Variants in GPM6A observed in about 807,000 individuals in gnomAD.
GPM6A encodes glycoprotein M6A.
GPM6A carries 7 observed loss-of-function variants against 32.1 expected under a neutral mutation model. That is an observed-to-expected ratio of 0.22 (90% CI 0.12 to 0.41). The LOEUF is 0.41. Among genes scored for constraint, GPM6A ranks in the 10% least tolerant of loss-of-function variants. The pLI, the probability that GPM6A is intolerant of heterozygous loss-of-function variation, is 1.00. For missense variants in GPM6A, 235 were observed against 347.2 expected (o/e 0.68, Z 2.57); for synonymous variants, 130 against 123.4 (o/e 1.05, Z -0.35).
At chr4:175,962,497 C>T in intron 1 of GPM6A, 1 of 576,728 alleles carries the variant, frequency 1.7e-6, no homozygotes, top group Non-Finnish European at 3.3e-6. Context: ...GTCACAGCTG[C>T]CTATCACTTC....
intron 1 of GPM6A, among the ~76,000 whole-genome samples, chr4:175,909,653 T>C (rs919909643): frequency 1.3e-5 from 2 of 152,202 alleles, no homozygotes; most frequent in African/African-American, 2.4e-5. Flanking sequence ...GAAACACAAG[T>C]ACTAAAGGAA....
At position 175,737,532 on chromosome 4, in the gene GPM6A, C is replaced by T. The variant is rs139814859; in HGVS notation, c.38-35765G>A. 3.9e-5 allele frequency among the ~76,000 whole-genome samples: 6 copies of T among 152,234 alleles called. No individual in the cohort carries two copies. In the East Asian group the frequency reaches 1.2e-3, roughly 29 times the overall value. On this transcript the variant is annotated intron_variant, in intron 1 of 6. Coordinates refer to ENST00000393658, the MANE Select transcript of GPM6A (RefSeq NM_201591.3). ...AATATTTACTTTAGATAATTTATTC[C>T]TTATTCTGAGCTCTTTTATGCCTTT...
At chr4:175,987,188 T>C (rs1176238700) in intron 1 of GPM6A, among the ~76,000 whole-genome samples, 1 of 152,228 alleles carries the variant, frequency 6.6e-6, no homozygotes, top group Non-Finnish European at 1.5e-5. Flanking sequence ...AAGCATTCTG[T>C]CTAGCAAATA....
chr4:175,940,318 G>T (rs1007104188), intron 1 of GPM6A, among the ~76,000 whole-genome samples: 62 of 151,926 alleles, frequency 4.1e-4, no homozygotes, highest in African/African-American at 1.4e-3. Context: ...TATAGGTTTG[G>T]GAAGTGTTAT....
chr4:175,729,859 T>A (rs916259658), intron 1 of GPM6A, among the ~76,000 whole-genome samples: 1 of 145,818 alleles, frequency 6.9e-6, no homozygotes, highest in African/African-American at 2.5e-5. Context: ...TGTATATATG[T>A]ATTTAATGTA....
In GPM6A at chr4:175,714,145, T is replaced by C. The variant is rs73004344; in HGVS notation, c.38-12378A>G. ...GGTTTTTATCAAGTTCTTCAGTTCA[T>C]TCTGATACTACAAGATATGCAAGCC... On this transcript the variant is annotated intron_variant, in intron 1 of 6. Transcript: ENST00000393658. Among the ~76,000 whole-genome samples the C allele has an allele frequency of 7.5e-3, 1,142 of 152,310 alleles. 14 individuals are homozygous for C. Among genetic ancestry groups the C allele is most frequent in the African/African-American group, 0.026 (1,086 of 41,580 alleles).
At chr4:175,868,532 C>A (rs572277454) in intron 1 of GPM6A, among the ~76,000 whole-genome samples, 1 of 152,256 alleles carries the variant, frequency 6.6e-6, no homozygotes, top group East Asian at 1.9e-4. Flanking sequence ...TCTTTTCATT[C>A]AATTTCAAAT....
chr4:175,710,257 T>C (rs1347932844), intron 1 of GPM6A, among the ~76,000 whole-genome samples: 1 of 152,110 alleles, frequency 6.6e-6, no homozygotes, highest in Non-Finnish European at 1.5e-5. Flanking sequence ...TGTTCTAATG[T>C]TTTAATGTGG....
At chr4:175,817,550 T>C (rs1735146176) in intron 1 of GPM6A, among the ~76,000 whole-genome samples, 1 of 152,230 alleles carries the variant, frequency 6.6e-6, no homozygotes, top group African/African-American at 2.4e-5. Flanking sequence ...GTTTTGATAG[T>C]TGGAAAAGTT....
At chr4:175,926,197 A>T (rs1036978652) in intron 1 of GPM6A, among the ~76,000 whole-genome samples, 1 of 152,176 alleles carries the variant, frequency 6.6e-6, no homozygotes, top group Admixed American at 6.5e-5. Context: ...AAACATGGAA[A>T]CACTAAAAAA....
chr4:175,828,049 G>C (rs1236010599), intron 1 of GPM6A, among the ~76,000 whole-genome samples: 1 of 152,124 alleles, frequency 6.6e-6, no homozygotes, highest in Non-Finnish European at 1.5e-5. Flanking sequence ...ATGTTATCCT[G>C]AGTATTTATA....
intron 1 of GPM6A, among the ~76,000 whole-genome samples, chr4:175,735,156 A>G (rs1427855924): frequency 6.6e-6 from 1 of 152,220 alleles, no homozygotes; most frequent in African/African-American, 2.4e-5. Flanking sequence ...TGTGAAATAC[A>G]GAGTTAATAC....
chr4:175,911,422 G>A (rs1302313976), intron 1 of GPM6A, among the ~76,000 whole-genome samples: 1 of 152,092 alleles, frequency 6.6e-6, no homozygotes, highest in East Asian at 1.9e-4. Flanking sequence ...TAACACCTTG[G>A]AATATGTTAG....
intron 1 of GPM6A, among the ~76,000 whole-genome samples, chr4:175,948,958 A>AGTAT (rs1739707943): frequency 6.9e-6 from 1 of 144,712 alleles, no homozygotes; most frequent in Non-Finnish European, 1.5e-5. Context: ...TTTGGTGGTA[A>AGTAT]GTGTGTGTGT....
At chr4:175,880,936 G>A (rs2111457211) in intron 1 of GPM6A, among the ~76,000 whole-genome samples, 1 of 152,218 alleles carries the variant, frequency 6.6e-6, no homozygotes, top group East Asian at 1.9e-4. Context: ...AATAGGAGTG[G>A]TGACAGAGGG....
intron 1 of GPM6A, among the ~76,000 whole-genome samples, chr4:175,866,374 G>T (rs902764319): frequency 6.6e-6 from 1 of 152,058 alleles, no homozygotes; most frequent in African/African-American, 2.4e-5. Flanking sequence ...CATACCTATC[G>T]TTAGAGTATC....
At chr4:175,766,136 T>G (rs1202138430) in intron 1 of GPM6A, among the ~76,000 whole-genome samples, 1 of 152,206 alleles carries the variant, frequency 6.6e-6, no homozygotes, top group Non-Finnish European at 1.5e-5. Context: ...ATTTTCACAG[T>G]AAGAGATAAA....
chr4:175,990,877 A>G (rs1480429276), intron 1 of GPM6A, among the ~76,000 whole-genome samples: 1 of 152,074 alleles, frequency 6.6e-6, no homozygotes, highest in African/African-American at 2.4e-5. Context: ...AATGAATGAA[A>G]TTATTTAATA....
At chr4:175,659,295 G>A (rs1359625879) in intron 3 of GPM6A, among the ~76,000 whole-genome samples, 1 of 152,016 alleles carries the variant, frequency 6.6e-6, no homozygotes, top group Non-Finnish European at 1.5e-5. Context: ...GCCCAGGCTG[G>A]TCACAAACTC....
Sources: gnomAD v4.1 joint callset for allele counts (sites outside exome capture counted in the v4.1 genomes callset) on GRCh38, gnomAD v4.1.1 for gene constraint, MANE v1.5 for transcripts, NCBI Gene and HGNC (gene_info 2026-07-23, HGNC 2026-07-21) for gene names.